PCDHA13: variants seen among roughly 807,000 people sequenced by gnomAD.
PCDHA13 encodes the protein protocadherin alpha-13.
Under a neutral mutation model 64.8 loss-of-function variants are expected in PCDHA13, and 54 were observed. The ratio of observed to expected loss-of-function variants is 0.83; its 90% CI spans 0.67 to 1.04. PCDHA13 has a LOEUF of 1.04. PCDHA13 is among the 50% of genes least tolerant of loss of function. PCDHA13 has a pLI of 0.00. For synonymous variants in PCDHA13, 587 were observed against 564.4 expected (o/e 1.04, Z -0.57); for missense variants, 1,248 against 1,254.3 (o/e 0.99, Z 0.08).
intron 3 of PCDHA13, among the ~76,000 whole-genome samples, chr5:140,998,657 T>G (rs1252646330): frequency 6.6e-6 from 1 of 151,974 alleles, no homozygotes; most frequent in African/African-American, 2.4e-5. Flanking sequence ...CTCTGCCTCC[T>G]GGGTTCAAGT....
At chr5:140,910,523 T>TC (rs2153515069) in intron 1 of PCDHA13, among the ~76,000 whole-genome samples, 1 of 152,338 alleles carries the variant, frequency 6.6e-6, no homozygotes, top group African/African-American at 2.4e-5. Flanking sequence ...ATGCAGGTAC[T>TC]CCCCTCACAA....
At chr5:140,898,970 C>T (rs2067071539) in intron 1 of PCDHA13, among the ~76,000 whole-genome samples, 2 of 152,006 alleles carry the variant, frequency 1.3e-5, no homozygotes, top group South Asian at 4.2e-4. Context: ...TGGGAGTTCA[C>T]TCATGATTTG....
chr5:140,982,482 C>T lies in PCDHA13; in HGVS notation c.2461C>T (p.His821Tyr), dbSNP rs782273708. 1.9e-6 allele frequency: 3 copies of T among 1,614,054 alleles called. No individual in the cohort carries two copies. Among genetic ancestry groups the T allele is most frequent in the East Asian group, 4.5e-5 (2 of 44,894 alleles). The change falls in exon 3 of 4, where the codon CAC (histidine) becomes TAC (tyrosine). Residue 821 changes from histidine to tyrosine, a missense_variant. Physicochemically the swap from His to Tyr is moderately conservative, Grantham distance 83. Transcript: ENST00000289272. ...SLRAGMHSSV[H>Y]LEEAGILRAG... ...GTCTGTGTGTTTATTCAGCTCTGTGCACCTAGAGGAGGCTGGCATTCTACG... is the reference window on the plus strand; with the variant it reads ...GTCTGTGTGTTTATTCAGCTCTGTGTACCTAGAGGAGGCTGGCATTCTACG...
chr5:140,888,755 T>C (rs1290458155), intron 1 of PCDHA13, among the ~76,000 whole-genome samples: 1 of 146,364 alleles, frequency 6.8e-6, no homozygotes, highest in African/African-American at 2.5e-5. Flanking sequence ...TTCTACCCAC[T>C]TTTTTTTTTA....
intron 3 of PCDHA13, among the ~76,000 whole-genome samples, chr5:141,004,852 GA>G (rs1474938614): frequency 6.6e-6 from 1 of 152,202 alleles, no homozygotes; most frequent in African/African-American, 2.4e-5. Flanking sequence ...TAGTCTCAGA[GA>G]AAAAATTTGT....
At chr5:140,966,983 G>T (rs782294035) in intron 1 of PCDHA13, 1 of 1,603,778 alleles carries the variant, frequency 6.2e-7, no homozygotes, top group Non-Finnish European at 8.5e-7. Flanking sequence ...GCGGCGCTTG[G>T]GGCCGGGTTG....
intron 1 of PCDHA13, among the ~76,000 whole-genome samples, chr5:140,888,278 C>G (rs1204327118): frequency 2.0e-5 from 3 of 151,932 alleles, no homozygotes; most frequent in African/African-American, 7.3e-5. Flanking sequence ...CAGTTTTGTC[C>G]CCTCTACCCC....
chr5:140,899,962 C>G (rs1562916347), intron 1 of PCDHA13, among the ~76,000 whole-genome samples: 1 of 152,064 alleles, frequency 6.6e-6, no homozygotes, highest in African/African-American at 2.4e-5. Flanking sequence ...CATGTGCTGC[C>G]ATGCCCAGCT....
chr5:140,941,960 A>G (rs569784391), intron 1 of PCDHA13, among the ~76,000 whole-genome samples: 6 of 152,354 alleles, frequency 3.9e-5, no homozygotes, highest in African/African-American at 1.4e-4. Flanking sequence ...AAACAATAGT[A>G]TCTTTACTTT....
rs959323631 is a variant in PCDHA13 at position 140,967,718 on chromosome 5, C to A, written c.2395-11231C>A. The A allele has an allele frequency of 8.7e-6, 14 of 1,614,106 alleles. 1 individual carries two copies. The South Asian group carries it at 1.5e-4, about 18-fold the overall frequency. ...CATAGATGCCAGTACCGGGGAAGTG[C>A]GAGTAATTGGGGGGCTGGATTATGA... On this transcript the variant is annotated intron_variant, in intron 1 of 3. Transcript: ENST00000289272.
At position 140,985,761 on chromosome 5, in the gene PCDHA13, A is replaced by C. The variant is rs1239020885; in HGVS notation, c.2542+3198A>C. On this transcript the variant is annotated intron_variant, in intron 3 of 3. Transcript: ENST00000289272. ...TTCCTTTTTTTTTTTTTTTTTTTTGAGACAGTCTCGCTCTGTCGCCCAGGC... is the reference window on the plus strand; with the variant it reads ...TTCCTTTTTTTTTTTTTTTTTTTTGCGACAGTCTCGCTCTGTCGCCCAGGC... 7.9e-5 allele frequency among the ~76,000 whole-genome samples: 5 copies of C among 63,266 alleles called. No individual in the cohort carries two copies. In the East Asian group the frequency reaches 3.3e-3, roughly 41 times the overall value. 41.5% of individuals were successfully genotyped at this position (63,266 alleles called of 152,430 possible). A position where few individuals can be genotyped will look rare whatever the true frequency, so the allele number is the denominator to read the frequency against.
chr5:141,001,020 TATA>T (rs539315208), intron 3 of PCDHA13, among the ~76,000 whole-genome samples: 5 of 152,250 alleles, frequency 3.3e-5, no homozygotes, highest in Non-Finnish European at 5.9e-5. Context: ...GATATACACT[TATA>T]ATAATAGCTT....
Position 141,011,847 on chromosome 5 carries a change from T to C in PCDHA13, c.*1910T>C, listed in dbSNP as rs745912784. 2.0e-5 allele frequency: 3 copies of C among 153,780 alleles called. No individual in the cohort carries two copies. Among genetic ancestry groups the C allele is most frequent in the Non-Finnish European group, 4.4e-5 (3 of 68,052 alleles). The allele number at this position is 153,780 out of a possible 1,614,324, so 9.5% of individuals were successfully genotyped here. ...ATTTGCTGTCACCTTAAATAAGACA[T>C]TTTAATTTTGTTATAATGTACAATT... On this transcript the variant is annotated 3_prime_UTR_variant, in exon 4 of 4. Coordinates refer to ENST00000289272, the MANE Select transcript of PCDHA13 (RefSeq NM_018904.3).
chr5:140,957,630 C>A (rs2095372065), intron 1 of PCDHA13, among the ~76,000 whole-genome samples: 1 of 152,000 alleles, frequency 6.6e-6, no homozygotes, highest in Non-Finnish European at 1.5e-5. Context: ...CACACACTTT[C>A]AGAAATGCAC....
At chr5:140,936,425 T>C (rs1471918068) in intron 1 of PCDHA13, among the ~76,000 whole-genome samples, 2 of 152,244 alleles carry the variant, frequency 1.3e-5, no homozygotes, top group Non-Finnish European at 2.9e-5. Flanking sequence ...TAATTTTAAT[T>C]AATTTAAGCT....
intron 1 of PCDHA13, among the ~76,000 whole-genome samples, chr5:140,926,182 C>T (rs1041630365): frequency 2.6e-5 from 4 of 151,858 alleles, no homozygotes; most frequent in South Asian, 2.2e-4. Flanking sequence ...CGGAAAGCCC[C>T]CCGCAGCACT....
chr5:140,941,198 T>TC (rs1563184066), intron 1 of PCDHA13, among the ~76,000 whole-genome samples: 3 of 119,812 alleles, frequency 2.5e-5, no homozygotes, highest in African/African-American at 1.0e-4. Flanking sequence ...TTTTTTTCTT[T>TC]CTTCCTTTCT....
intron 1 of PCDHA13, among the ~76,000 whole-genome samples, chr5:140,947,975 A>G (rs572156919): frequency 5.8e-4 from 87 of 150,726 alleles, no homozygotes; most frequent in African/African-American, 1.9e-3. Context: ...TGTGCTACTC[A>G]TAGGTTTTTC....
intron 1 of PCDHA13, among the ~76,000 whole-genome samples, chr5:140,896,034 C>T (rs2065325543): frequency 6.6e-6 from 1 of 152,192 alleles, no homozygotes; most frequent in South Asian, 2.1e-4. Flanking sequence ...TGGTCTCGAA[C>T]TCCTGACCTC....
Sources: allele counts gnomAD v4.1 joint callset (sites outside exome capture counted in the v4.1 genomes callset), GRCh38; gene constraint gnomAD v4.1.1; transcripts MANE v1.5; gene names NCBI Gene and HGNC (gene_info 2026-07-23, HGNC 2026-07-21).